CXADR: variants seen among roughly 807,000 people sequenced by gnomAD.
CXADR encodes the protein CXADR cell adhesion molecule, also known as coxsackievirus and adenovirus receptor.
CXADR carries 20 observed loss-of-function variants against 40.3 expected under a neutral mutation model. The ratio of observed to expected loss-of-function variants is 0.50; its 90% CI spans 0.35 to 0.72. CXADR has a LOEUF of 0.72. Ranked by LOEUF, CXADR falls within the 30% of genes least tolerant of loss-of-function variation. CXADR has a pLI of 0.01. For synonymous variants in CXADR, 150 were observed against 161.3 expected (o/e 0.93, Z 0.53); for missense variants, 332 against 449.1 (o/e 0.74, Z 2.36).
chr21:17,539,089 ATTTC>A (rs1434609394), intron 1 of CXADR, among the ~76,000 whole-genome samples: 2 of 152,142 alleles, frequency 1.3e-5, no homozygotes, highest in East Asian at 3.8e-4. Context: ...TGATGCAGCT[ATTTC>A]TTGCATCTGT....
chr21:17,595,389 T>C (rs897294070), downstream of CXADR, among the ~76,000 whole-genome samples: 7 of 152,010 alleles, frequency 4.6e-5, no homozygotes, highest in African/African-American at 1.7e-4. Flanking sequence ...GGAAAGTCCC[T>C]CTTTTTTTAT....
Position 17,553,614 on chromosome 21 carries a change from C to CTTTTTTTTTTTTTTTTTT in CXADR, c.415+1663_415+1680dup, listed in dbSNP as rs10710377. Among the ~76,000 whole-genome samples the CTTTTTTTTTTTTTTTTTT allele has an allele frequency of 4.7e-5, 6 of 128,274 alleles. 1 individual carries two copies. The highest frequency in any genetic ancestry group is 5.1e-5 in the Non-Finnish European group (3 of 58,820). 84.2% of individuals were successfully genotyped at this position (128,274 alleles called of 152,430 possible). Reference sequence around the variant, plus strand: ...GAAAGATTAACACCTGGTCCGAATTCTTTTTTTTTTTTTTTTTTTCTTTTT... The same window carrying CTTTTTTTTTTTTTTTTTT: ...GAAAGATTAACACCTGGTCCGAATTCTTTTTTTTTTTTTTTTTTTTTTTTTTTTTTTTTTTTTCTTTTT... On this transcript the variant is annotated intron_variant, in intron 3 of 6. Transcript: ENST00000284878.
At chr21:17,614,528 A>G in the CXADR span, among the ~76,000 whole-genome samples, 22 of 152,060 alleles carry the variant, frequency 1.4e-4, no homozygotes, top group Non-Finnish European at 2.1e-4. Context: ...GGATCATTTG[A>G]CTCCAGGAGT....
At position 17,569,003 on chromosome 21, in the gene CXADR, C is replaced by T. The variant is rs2061251204; in HGVS notation, c.*3311C>T. On this transcript the variant is annotated 3_prime_UTR_variant, in exon 7 of 7. Transcript: ENST00000284878. ...GATTTTTATTAAAAAGATACTTTTTCAAATTTAAGAGTTAATCTTGGAAAT... is the reference window on the plus strand; with the variant it reads ...GATTTTTATTAAAAAGATACTTTTTTAAATTTAAGAGTTAATCTTGGAAAT... 7.1e-6 allele frequency: 7 copies of T among 984,302 alleles called. No individual in the cohort carries two copies. Among genetic ancestry groups the T allele is most frequent in the Non-Finnish European group, 8.4e-6 (7 of 829,100 alleles). The allele number at this position is 984,302 out of a possible 1,614,324, so 61.0% of individuals were successfully genotyped here. A position where few individuals can be genotyped will look rare whatever the true frequency, so the allele number is the denominator to read the frequency against.
At chr21:17,515,206 G>A (rs2060444841) in intron 1 of CXADR, among the ~76,000 whole-genome samples, 1 of 152,080 alleles carries the variant, frequency 6.6e-6, no homozygotes. Flanking sequence ...TGAGACGGGA[G>A]GGTCATTTGA....
chr21:17,516,882 A>G (rs1425069228), intron 1 of CXADR, among the ~76,000 whole-genome samples: 1 of 152,236 alleles, frequency 6.6e-6, no homozygotes, highest in African/African-American at 2.4e-5. Flanking sequence ...ACCATTTCAC[A>G]AGGCACACAT....
the CXADR span, chr21:17,612,521 C>G: frequency 2.0e-5 from 3 of 152,160 alleles, no homozygotes; most frequent in Non-Finnish European, 4.4e-5. Context: ...CGGCCCGCAG[C>G]CCCGCTCTGG....
At chr21:17,614,027 T>C in the CXADR span, 2 of 151,978 alleles carry the variant, frequency 1.3e-5, no homozygotes, top group African/African-American at 4.8e-5. Flanking sequence ...TATAGCCAAT[T>C]AGCAATTCAA....
intron 1 of CXADR, among the ~76,000 whole-genome samples, chr21:17,535,122 T>A (rs905025615): frequency 2.6e-5 from 4 of 152,028 alleles, no homozygotes; most frequent in African/African-American, 9.7e-5. Context: ...AATCATTTTT[T>A]GACTATTATT....
At chr21:17,528,054 A>G (rs1278511444) in intron 1 of CXADR, among the ~76,000 whole-genome samples, 3 of 115,404 alleles carry the variant, frequency 2.6e-5, no homozygotes, top group Non-Finnish European at 3.6e-5. Flanking sequence ...TGCTCTCCTT[A>G]TGCTTAGTTC....
intron 7 of CXADR, among the ~76,000 whole-genome samples, chr21:17,590,228 A>ATT (rs35390860): frequency 0.14 from 19,913 of 146,448 alleles, 1,462 homozygotes; most frequent in African/African-American, 0.17. Flanking sequence ...GTAGCTAGGT[A>ATT]TTTTTTTTTT....
At chr21:17,604,495 A>G in the CXADR span, among the ~76,000 whole-genome samples, 4 of 152,102 alleles carry the variant, frequency 2.6e-5, no homozygotes, top group Non-Finnish European at 4.4e-5. Flanking sequence ...AACAAACCAA[A>G]AGTGGTTATC....
chr21:17,569,440 A>G lies in CXADR; in HGVS notation c.*3748A>G, dbSNP rs971425825. 21 of 984,996 alleles carry G rather than the reference A, an allele frequency of 2.1e-5. No individual in the cohort carries two copies. In the African/African-American group the frequency reaches 2.6e-4, roughly 12 times the overall value. 61.0% of individuals were successfully genotyped at this position (984,996 alleles called of 1,614,324 possible). A position where few individuals can be genotyped will look rare whatever the true frequency, so the allele number is the denominator to read the frequency against. On this transcript the variant is annotated 3_prime_UTR_variant, in exon 7 of 7. Coordinates refer to ENST00000284878, the MANE Select transcript of CXADR (RefSeq NM_001338.5). ...GTGTAAATGTTCTGGGCAAGTTTTAATATTTTGAATGCCTTTGGATATTCC... is the reference window on the plus strand; with the variant it reads ...GTGTAAATGTTCTGGGCAAGTTTTAGTATTTTGAATGCCTTTGGATATTCC...
At chr21:17,560,035 T>G (rs2061093584) in intron 4 of CXADR, among the ~76,000 whole-genome samples, 1 of 152,006 alleles carries the variant, frequency 6.6e-6, no homozygotes, top group Non-Finnish European at 1.5e-5. Context: ...TAAAGTATAG[T>G]AAGAGTTGGC....
chr21:17,566,813 A>G lies in CXADR; in HGVS notation c.*1121A>G. ...ATTTTAAGCAAGTTAAGTGTCCTCCATCAATTCTGTATTCCAGACTTGGGA... is the reference window on the plus strand; with the variant it reads ...ATTTTAAGCAAGTTAAGTGTCCTCCGTCAATTCTGTATTCCAGACTTGGGA... On this transcript the variant is annotated 3_prime_UTR_variant, in exon 7 of 7. Transcript: ENST00000284878. 1 of 968,784 alleles carries G rather than the reference A, an allele frequency of 1.0e-6. No homozygotes were observed. The highest frequency in any genetic ancestry group is 1.2e-6 in the Non-Finnish European group (1 of 814,852). The allele number at this position is 968,784 out of a possible 1,614,324, so 60.0% of individuals were successfully genotyped here. A position where few individuals can be genotyped will look rare whatever the true frequency, so the allele number is the denominator to read the frequency against.
At chr21:17,570,196 C>G (rs931335741), downstream of CXADR, 1 of 984,702 alleles carries the variant, frequency 1.0e-6, no homozygotes, top group Non-Finnish European at 1.2e-6. Context: ...TCATGGTTTC[C>G]TTCCCCCCGT....
chr21:17,602,427 T>G, the CXADR span, among the ~76,000 whole-genome samples: 1 of 152,222 alleles, frequency 6.6e-6, no homozygotes, highest in Non-Finnish European at 1.5e-5. Context: ...TCTCAGATAT[T>G]TGATCAATTG....
At chr21:17,521,202 C>T (rs1030397860) in intron 1 of CXADR, among the ~76,000 whole-genome samples, 5 of 152,004 alleles carry the variant, frequency 3.3e-5, no homozygotes, top group Non-Finnish European at 7.4e-5. Flanking sequence ...ATGAAGGTGT[C>T]CTAGAGAATG....
chr21:17,519,201 T>C (rs2060498266), intron 1 of CXADR, among the ~76,000 whole-genome samples: 1 of 152,208 alleles, frequency 6.6e-6, no homozygotes, highest in South Asian at 2.1e-4. Flanking sequence ...CCAACTTAGC[T>C]CACTGCACTA....
Sources: gnomAD v4.1 joint callset for allele counts (sites outside exome capture counted in the v4.1 genomes callset) on GRCh38, gnomAD v4.1.1 for gene constraint, MANE v1.5 for transcripts, NCBI Gene and HGNC (gene_info 2026-07-23, HGNC 2026-07-21) for gene names.